SGCZ: variants seen among roughly 807,000 people sequenced by gnomAD.
SGCZ encodes the protein zeta-sarcoglycan.
SGCZ carries 40 observed loss-of-function variants against 41.3 expected under a neutral mutation model. The ratio of observed to expected loss-of-function variants is 0.97; its 90% CI spans 0.75 to 1.26. SGCZ has a LOEUF of 1.26. Ranked by LOEUF, SGCZ falls within the 50% of genes most tolerant of loss-of-function variation. The probability of loss-of-function intolerance (pLI) is 0.00; values close to 1 mark genes in which losing one functional copy is unlikely to be tolerated. For missense variants in SGCZ, 552 were observed against 369.8 expected, an observed-to-expected ratio of 1.49 and a Z score of -4.04; for synonymous variants, 206 against 137.5, an observed-to-expected ratio of 1.50 and a Z score of -3.49.
In SGCZ at chr8:14,781,452, C is replaced by A. The variant is rs1445568638; in HGVS notation, c.40-226526G>T. ...CCATGTTAACCAGGCTGGTCTCAAACCCCTGGACTCAAGCAATCTGCCCAT... is the reference window on the plus strand; with the variant it reads ...CCATGTTAACCAGGCTGGTCTCAAAACCCTGGACTCAAGCAATCTGCCCAT... On this transcript the variant is annotated intron_variant, in intron 1 of 7. Transcript: ENST00000382080. Among the ~76,000 whole-genome samples the A allele has an allele frequency of 4.6e-5, 7 of 152,080 alleles. 1 individual carries two copies. The highest frequency in any genetic ancestry group is 7.4e-5 in the Non-Finnish European group (5 of 68,022).
At chr8:14,409,769 T>A (rs1242751832) in intron 2 of SGCZ, among the ~76,000 whole-genome samples, 2 of 152,136 alleles carry the variant, frequency 1.3e-5, no homozygotes, top group Admixed American at 1.3e-4. Context: ...TATACATATA[T>A]AGCAACACAT....
At chr8:14,903,212 A>G (rs1799024075) in intron 1 of SGCZ, among the ~76,000 whole-genome samples, 4 of 152,158 alleles carry the variant, frequency 2.6e-5, no homozygotes, top group Admixed American at 2.6e-4. Flanking sequence ...CTGAAATTTC[A>G]TCAAGCAAAT....
intron 1 of SGCZ, among the ~76,000 whole-genome samples, chr8:14,881,591 C>T (rs1456088960): frequency 2.0e-5 from 3 of 152,070 alleles, no homozygotes; most frequent in African/African-American, 7.2e-5. Context: ...CTTGCATTGG[C>T]CAAATGGCTG....
intron 1 of SGCZ, among the ~76,000 whole-genome samples, chr8:15,234,101 G>A (rs1460914148): frequency 1.3e-5 from 2 of 152,146 alleles, no homozygotes; most frequent in Admixed American, 6.5e-5. Context: ...TGTCTCCTAT[G>A]AGTAAATCTT....
At chr8:14,658,366 A>C (rs1249911800) in intron 1 of SGCZ, among the ~76,000 whole-genome samples, 1 of 152,160 alleles carries the variant, frequency 6.6e-6, no homozygotes, top group Non-Finnish European at 1.5e-5. Flanking sequence ...ATGCCCTTTC[A>C]TAGTTTTTTC....
At chr8:15,115,114 A>G (rs957834878) in intron 1 of SGCZ, among the ~76,000 whole-genome samples, 1 of 152,204 alleles carries the variant, frequency 6.6e-6, no homozygotes, top group African/African-American at 2.4e-5. Flanking sequence ...TTTCTGGCAC[A>G]CAGAAAGACA....
intron 2 of SGCZ, among the ~76,000 whole-genome samples, chr8:14,449,525 C>T (rs1386585743): frequency 2.0e-5 from 3 of 152,116 alleles, no homozygotes; most frequent in African/African-American, 7.2e-5. Flanking sequence ...CTCAGAATTA[C>T]TATTCCTAGC....
chr8:15,086,594 T>A (rs1167450777), intron 1 of SGCZ, among the ~76,000 whole-genome samples: 1 of 152,188 alleles, frequency 6.6e-6, no homozygotes, highest in Non-Finnish European at 1.5e-5. Context: ...AATGTGTACA[T>A]AGTGAAGCTG....
In SGCZ at chr8:14,888,366, C is replaced by T. The variant is rs75456909; in HGVS notation, c.40-333440G>A. 6.3e-4 allele frequency among the ~76,000 whole-genome samples: 96 copies of T among 152,122 alleles called. 1 individual carries two copies. In the East Asian group the frequency reaches 0.017, roughly 27 times the overall value. On this transcript the variant is annotated intron_variant, in intron 1 of 7. Transcript: ENST00000382080. ...TCTTATTTTATTTATTAGGGCCATA[C>T]GTGAGAAGCTTTGCCATCTTTTAAT...
At chr8:14,995,579 C>G (rs17608649) in intron 1 of SGCZ, among the ~76,000 whole-genome samples, 27,279 of 152,088 alleles carry the variant, frequency 0.18, 3,146 homozygotes, top group Admixed American at 0.28. Flanking sequence ...GAAACTGCCT[C>G]TTTATATATT....
intron 1 of SGCZ, among the ~76,000 whole-genome samples, chr8:15,082,399 C>T (rs1290819907): frequency 6.7e-6 from 1 of 149,500 alleles, no homozygotes; most frequent in Non-Finnish European, 1.5e-5. Flanking sequence ...TATATATACA[C>T]ACATATACAC....
intron 1 of SGCZ, among the ~76,000 whole-genome samples, chr8:14,852,165 G>T (rs1246945566): frequency 1.3e-5 from 2 of 151,964 alleles, no homozygotes; most frequent in African/African-American, 4.8e-5. Flanking sequence ...GTCAGCTCCA[G>T]AAATAAAATC....
chr8:14,116,816 C>T (rs945040236), intron 5 of SGCZ, among the ~76,000 whole-genome samples: 3 of 152,020 alleles, frequency 2.0e-5, no homozygotes, highest in East Asian at 1.9e-4. Context: ...AGAAATGGCA[C>T]GTTTCTCCAG....
chr8:15,111,916 T>A (rs1176910716), intron 1 of SGCZ, among the ~76,000 whole-genome samples: 1 of 132,978 alleles, frequency 7.5e-6, no homozygotes, highest in Non-Finnish European at 1.6e-5. Context: ...AAAAAAAAAA[T>A]CCCTCCTTTC....
chr8:14,974,565 C>T (rs1388746218), intron 1 of SGCZ, among the ~76,000 whole-genome samples: 1 of 152,154 alleles, frequency 6.6e-6, no homozygotes, highest in Non-Finnish European at 1.5e-5. Context: ...GCCCAGACCA[C>T]AACCCACACC....
At chr8:14,271,425 A>G (rs1158127173) in intron 3 of SGCZ, among the ~76,000 whole-genome samples, 2 of 152,196 alleles carry the variant, frequency 1.3e-5, no homozygotes, top group South Asian at 2.1e-4. Context: ...AGACTTGTAG[A>G]TAGTTTCATA....
intron 3 of SGCZ, among the ~76,000 whole-genome samples, chr8:14,305,942 G>A (rs931606728): frequency 6.6e-6 from 1 of 152,168 alleles, no homozygotes. Flanking sequence ...TACTGGATGA[G>A]ACCACATGGA....
chr8:15,068,344 A>G (rs1805228430), intron 1 of SGCZ, among the ~76,000 whole-genome samples: 1 of 152,200 alleles, frequency 6.6e-6, no homozygotes, highest in Admixed American at 6.5e-5. Flanking sequence ...AGTGAGGCCC[A>G]CACTGTAACC....
intron 1 of SGCZ, among the ~76,000 whole-genome samples, chr8:14,897,431 C>T (rs190713390): frequency 6.6e-6 from 1 of 152,258 alleles, no homozygotes; most frequent in Non-Finnish European, 1.5e-5. Flanking sequence ...AAACTTGATG[C>T]CGAGTTTCTT....
Sources: gnomAD v4.1 joint callset for allele counts (sites outside exome capture counted in the v4.1 genomes callset) on GRCh38, gnomAD v4.1.1 for gene constraint, MANE v1.5 for transcripts, NCBI Gene and HGNC (gene_info 2026-07-23, HGNC 2026-07-21) for gene names.